PTPN1: variants seen among roughly 807,000 people sequenced by gnomAD.
PTPN1 encodes the protein protein tyrosine phosphatase non-receptor type 1.
In PTPN1, 12 loss-of-function variants were observed where a neutral mutation model predicts 59.9. The observed-to-expected ratio is 0.20, with a 90% confidence interval of 0.13 to 0.32. The LOEUF is 0.32. Among genes scored for constraint, PTPN1 ranks in the 10% least tolerant of loss-of-function variants. The pLI, the probability that PTPN1 is intolerant of heterozygous loss-of-function variation, is 1.00. For synonymous variants in PTPN1, 178 were observed against 203.6 expected, an observed-to-expected ratio of 0.87 and a Z score of 1.07; for missense variants, 356 against 549.2, an observed-to-expected ratio of 0.65 and a Z score of 3.52.
chr20:50,540,472 T>C (rs992058542), intron 1 of PTPN1, among the ~76,000 whole-genome samples: 1 of 152,204 alleles, frequency 6.6e-6, no homozygotes, highest in Non-Finnish European at 1.5e-5. Flanking sequence ...GAGTGATAAC[T>C]CATTACCATG....
intron 1 of PTPN1, among the ~76,000 whole-genome samples, chr20:50,522,330 TG>T (rs1484010200): frequency 6.6e-6 from 1 of 152,178 alleles, no homozygotes; most frequent in Non-Finnish European, 1.5e-5. Flanking sequence ...GTGGGCCTAA[TG>T]GGGGCTGATA....
chr20:50,555,216 G>T (rs1428896312), intron 1 of PTPN1, among the ~76,000 whole-genome samples: 3 of 152,062 alleles, frequency 2.0e-5, no homozygotes, highest in African/African-American at 7.2e-5. Flanking sequence ...TAGCTAAACT[G>T]GCCAAGAAAA....
At chr20:50,572,191 A>G (rs567131649) in intron 4 of PTPN1, 25 of 152,366 alleles carry the variant, frequency 1.6e-4, no homozygotes, top group African/African-American at 4.1e-4. Flanking sequence ...TGGCACTGCC[A>G]TGTTCCTCTG....
chr20:50,545,454 A>C (rs1390937762), intron 1 of PTPN1, among the ~76,000 whole-genome samples: 2 of 152,230 alleles, frequency 1.3e-5, no homozygotes, highest in Admixed American at 6.5e-5. Context: ...TTTGCTGTTT[A>C]TTCAGCAATA....
chr20:50,559,770 C>G (rs1330518237), intron 1 of PTPN1, among the ~76,000 whole-genome samples: 1 of 150,426 alleles, frequency 6.6e-6, no homozygotes, highest in South Asian at 2.1e-4. Context: ...ACATTCTGTT[C>G]TTAATACATA....
At position 50,579,761 on chromosome 20, in the gene PTPN1, C is replaced by A. The variant is rs2082856169; in HGVS notation, c.923C>A (p.Pro308Gln). The A allele has an allele frequency of 6.2e-7, 1 of 1,613,660 alleles. No individual in the cohort carries two copies. Among genetic ancestry groups the A allele is most frequent in the Non-Finnish European group, 8.5e-7 (1 of 1,179,968 alleles). ...DLEPPPEHIP[P>Q]PPRPPKRILE... ...GAGCCCCCACCCGAGCATATCCCCCCACCTCCCCGGCCACCCAAACGAATC... is the reference window on the plus strand; with the variant it reads ...GAGCCCCCACCCGAGCATATCCCCCAACCTCCCCGGCCACCCAAACGAATC... Residue 308 changes from proline (P) to glutamine (Q), a missense_variant, in exon 8 of 10, where the codon CCA (proline) becomes CAA (glutamine). By Grantham distance (76) the Pro-to-Gln change is moderately conservative. Transcript: ENST00000371621.
At chr20:50,519,882 T>C in intron 1 of PTPN1, among the ~76,000 whole-genome samples, 1 of 152,146 alleles carries the variant, frequency 6.6e-6, no homozygotes. Context: ...GTATGTTAGG[T>C]TATTTGTGGT....
intron 1 of PTPN1, among the ~76,000 whole-genome samples, chr20:50,526,607 G>C (rs528237507): frequency 9.2e-5 from 14 of 152,232 alleles, no homozygotes; most frequent in African/African-American, 3.4e-4. Flanking sequence ...TTGACCTACT[G>C]TTAAGCTCAG....
chr20:50,581,518 G>A (rs923690986), intron 9 of PTPN1, 58 bp downstream of exon 9: 124 of 1,519,306 alleles, frequency 8.2e-5, no homozygotes, highest in Non-Finnish European at 1.0e-4. Context: ...AGCACTGGCC[G>A]CTAGCCCGAT....
rs1308369316 is a variant in PTPN1 at position 50,585,162 on chromosome 20, T to C, written c.*2447T>C. Reference sequence around the variant, plus strand: ...CTCAGTACGTAAAGTCCACTTGATATAGAATTGACTTAGAAATAAGACAGA... The same window carrying C: ...CTCAGTACGTAAAGTCCACTTGATACAGAATTGACTTAGAAATAAGACAGA... On this transcript the variant is annotated 3_prime_UTR_variant, in exon 10 of 10. Transcript: ENST00000371621. The C allele has an allele frequency of 2.6e-5, 4 of 152,232 alleles. No individual in the cohort carries two copies. Among genetic ancestry groups the C allele is most frequent in the Non-Finnish European group, 5.9e-5 (4 of 68,034 alleles). 9.4% of individuals were successfully genotyped at this position (152,232 alleles called of 1,614,324 possible).
At chr20:50,548,029 A>T (rs1205967977) in intron 1 of PTPN1, among the ~76,000 whole-genome samples, 1 of 151,654 alleles carries the variant, frequency 6.6e-6, no homozygotes, top group African/African-American at 2.4e-5. Context: ...TACTTTGAAG[A>T]TTTTTTTTTA....
intron 1 of PTPN1, among the ~76,000 whole-genome samples, chr20:50,548,512 A>C (rs970854609): frequency 3.3e-5 from 5 of 151,744 alleles, no homozygotes; most frequent in Non-Finnish European, 5.9e-5. Flanking sequence ...TGCAGCCTCA[A>C]CTACTTGGAC....
chr20:50,530,678 C>T (rs971069537), intron 1 of PTPN1, among the ~76,000 whole-genome samples: 5 of 151,258 alleles, frequency 3.3e-5, no homozygotes, highest in African/African-American at 1.2e-4. Flanking sequence ...TGAGCCACCA[C>T]GCCTGGCCAA....
Position 50,582,998 on chromosome 20 carries a change from C to T in PTPN1, c.*283C>T. On this transcript the variant is annotated 3_prime_UTR_variant, in exon 10 of 10. Coordinates refer to ENST00000371621, the MANE Select transcript of PTPN1 (RefSeq NM_002827.4). The surrounding 1 kb of genome is among the most constrained non-coding windows in gnomAD (Gnocchi z 4.2). Reference sequence around the variant, plus strand: ...TGCTGGCGGCGCAGAGGGAAGGGGCCTACACCCGTCTTGGGGCTCGCCCCA... The same window carrying T: ...TGCTGGCGGCGCAGAGGGAAGGGGCTTACACCCGTCTTGGGGCTCGCCCCA... 1 of 489,688 alleles carries T rather than the reference C, an allele frequency of 2.0e-6. No homozygotes were observed. The highest frequency in any genetic ancestry group is 3.7e-6 in the Non-Finnish European group (1 of 270,886). The allele number at this position is 489,688 out of a possible 1,614,324, so 30.3% of individuals were successfully genotyped here.
At chr20:50,535,130 G>A (rs1402437669) in intron 1 of PTPN1, among the ~76,000 whole-genome samples, 1 of 152,214 alleles carries the variant, frequency 6.6e-6, no homozygotes, top group Admixed American at 6.5e-5. Context: ...GTCGCCTTCA[G>A]CTGGTTCAGG....
At chr20:50,539,812 G>A (rs892118688) in intron 1 of PTPN1, among the ~76,000 whole-genome samples, 5 of 151,840 alleles carry the variant, frequency 3.3e-5, no homozygotes, top group African/African-American at 1.2e-4. Context: ...ATGCAACCAT[G>A]TCTTGGTGTT....
chr20:50,547,204 T>C (rs2082679369), intron 1 of PTPN1, among the ~76,000 whole-genome samples: 1 of 152,150 alleles, frequency 6.6e-6, no homozygotes, highest in African/African-American at 2.4e-5. Flanking sequence ...AAAAATAAGA[T>C]TTAAAGTCGG....
chr20:50,575,809 T>C (rs2082834055), intron 5 of PTPN1, among the ~76,000 whole-genome samples: 1 of 152,026 alleles, frequency 6.6e-6, no homozygotes, highest in Non-Finnish European at 1.5e-5. Flanking sequence ...TCCCCTATAG[T>C]CCAGCTACTC....
At chr20:50,569,619 T>TCCATGTAAACTGTC (rs2082797236) in intron 4 of PTPN1, among the ~76,000 whole-genome samples, 2 of 151,516 alleles carry the variant, frequency 1.3e-5, no homozygotes, top group Non-Finnish European at 3.0e-5. Context: ...GTGTAGATTG[T>TCCATGTAAACTGTC]CTGTGTAGAC....
Sources: gnomAD v4.1 joint callset for allele counts (sites outside exome capture counted in the v4.1 genomes callset) on GRCh38, gnomAD v4.1.1 for gene constraint, Gnocchi (gnomAD v3.1) non-coding constraint, MANE v1.5 for transcripts, NCBI Gene and HGNC (gene_info 2026-07-23, HGNC 2026-07-21) for gene names.